Variants in SLC24A2 observed in about 807,000 individuals in gnomAD.
The protein encoded by SLC24A2 is solute carrier family 24 member 2.
A neutral mutation model predicts 62.0 loss-of-function variants in SLC24A2; 36 were observed. The ratio of observed to expected loss-of-function variants is 0.58; its 90% CI spans 0.44 to 0.77. SLC24A2 has a LOEUF of 0.77. SLC24A2 is among the 30% of genes least tolerant of loss of function. The pLI, the probability that SLC24A2 is intolerant of heterozygous loss-of-function variation, is 0.00. For missense variants in SLC24A2, 846 were observed against 817.9 expected, an observed-to-expected ratio of 1.03 and a Z score of -0.42; for synonymous variants, 358 against 294.0, an observed-to-expected ratio of 1.22 and a Z score of -2.23.
chr9:20,200,636 T>A, the SLC24A2 span, among the ~76,000 whole-genome samples: 3 of 152,194 alleles, frequency 2.0e-5, no homozygotes, highest in Non-Finnish European at 4.4e-5. Flanking sequence ...TGGGGACACA[T>A]TGCTAGCATC....
At chr9:20,279,466 G>A in the SLC24A2 span, among the ~76,000 whole-genome samples, 2 of 152,182 alleles carry the variant, frequency 1.3e-5, no homozygotes, top group African/African-American at 4.8e-5. Context: ...AGGAGGCGGA[G>A]GATGCAGAGA....
intron 2 of SLC24A2, among the ~76,000 whole-genome samples, chr9:19,628,497 T>C (rs1309154685): frequency 6.6e-6 from 1 of 152,200 alleles, no homozygotes; most frequent in Non-Finnish European, 1.5e-5. Flanking sequence ...CCCTGCTATC[T>C]CTTGCCTTCC....
the SLC24A2 span, among the ~76,000 whole-genome samples, chr9:20,076,670 A>G: frequency 6.6e-6 from 1 of 152,004 alleles, no homozygotes; most frequent in Non-Finnish European, 1.5e-5. Flanking sequence ...GGAAACGAAT[A>G]CAGAGAGCTA....
chr9:20,246,240 C>A, the SLC24A2 span, among the ~76,000 whole-genome samples: 2 of 152,162 alleles, frequency 1.3e-5, no homozygotes, highest in African/African-American at 4.8e-5. Flanking sequence ...GGAGTTATAG[C>A]ATCATCTAAA....
chr9:20,256,965 G>A, the SLC24A2 span, among the ~76,000 whole-genome samples: 1 of 151,790 alleles, frequency 6.6e-6, no homozygotes, highest in Non-Finnish European at 1.5e-5. Context: ...TAAAGTGAAT[G>A]AGCATGCAGA....
At chr9:19,651,904 G>C (rs1818812627) in intron 2 of SLC24A2, among the ~76,000 whole-genome samples, 1 of 152,136 alleles carries the variant, frequency 6.6e-6, no homozygotes. Context: ...TTCATTCCTA[G>C]TTTCATTCAT....
the SLC24A2 span, among the ~76,000 whole-genome samples, chr9:19,920,695 G>C: frequency 4.0e-4 from 61 of 152,284 alleles, no homozygotes; most frequent in African/African-American, 1.3e-3. Context: ...AACTCTCCAC[G>C]CTTCCCACTA....
At chr9:19,680,778 GAC>G (rs1819698132) in intron 2 of SLC24A2, among the ~76,000 whole-genome samples, 1 of 151,944 alleles carries the variant, frequency 6.6e-6, no homozygotes, top group Non-Finnish European at 1.5e-5. Context: ...CACAACTAGT[GAC>G]AGTTATTTCT....
the SLC24A2 span, among the ~76,000 whole-genome samples, chr9:20,048,922 AT>A: frequency 1.4e-5 from 2 of 147,950 alleles, no homozygotes; most frequent in African/African-American, 5.0e-5. Flanking sequence ...TTATTTATGT[AT>A]TTTTTATTTA....
At chr9:19,859,881 A>C in the SLC24A2 span, among the ~76,000 whole-genome samples, 1 of 152,214 alleles carries the variant, frequency 6.6e-6, no homozygotes, top group Non-Finnish European at 1.5e-5. Context: ...TGATGCCCAC[A>C]TAAGGAGGGT....
chr9:20,274,172 G>T, the SLC24A2 span, among the ~76,000 whole-genome samples: 1 of 152,142 alleles, frequency 6.6e-6, no homozygotes, highest in Non-Finnish European at 1.5e-5. Flanking sequence ...GTAGGAGGTA[G>T]ACAATGAACA....
the SLC24A2 span, among the ~76,000 whole-genome samples, chr9:20,083,396 G>A: frequency 1.9e-4 from 29 of 152,212 alleles, no homozygotes; most frequent in Admixed American, 2.0e-4. Flanking sequence ...GCCCAGGTCT[G>A]AACAGGGACC....
intron 2 of SLC24A2, among the ~76,000 whole-genome samples, chr9:19,657,896 TA>T (rs1277509070): frequency 1.3e-5 from 2 of 151,806 alleles, no homozygotes; most frequent in Non-Finnish European, 2.9e-5. Context: ...CCCAGCTAAT[TA>T]AAAAAAAATT....
At chr9:20,005,350 T>A in the SLC24A2 span, among the ~76,000 whole-genome samples, 1 of 152,134 alleles carries the variant, frequency 6.6e-6, no homozygotes, top group East Asian at 1.9e-4. Flanking sequence ...TCAAAATAAT[T>A]AAAAAAACAA....
chr9:19,756,593 GC>G (rs1460831822), intron 2 of SLC24A2, among the ~76,000 whole-genome samples: 1 of 152,174 alleles, frequency 6.6e-6, no homozygotes, highest in Non-Finnish European at 1.5e-5. Context: ...GCATGGCCCA[GC>G]TGGGTTCTCT....
the SLC24A2 span, among the ~76,000 whole-genome samples, chr9:20,032,081 T>C: frequency 2.0e-5 from 3 of 152,300 alleles, no homozygotes; most frequent in Admixed American, 1.3e-4. Context: ...CTCCTATGTA[T>C]TTCCTAAGGC....
At chr9:20,123,868 C>G in the SLC24A2 span, among the ~76,000 whole-genome samples, 2 of 152,024 alleles carry the variant, frequency 1.3e-5, no homozygotes, top group Non-Finnish European at 2.9e-5. Flanking sequence ...GAGCTTGAGG[C>G]TAGAACAAAA....
Position 19,734,371 on chromosome 9 carries a change from T to C in SLC24A2, c.930+51566A>G, listed in dbSNP as rs936960879. Among the ~76,000 whole-genome samples, 4 of 152,320 alleles carry C rather than the reference T, an allele frequency of 2.6e-5. 1 individual carries two copies. The highest frequency in any genetic ancestry group is 5.9e-5 in the Non-Finnish European group (4 of 68,036). ...TTCGGATTGACTTGGCAATGCGGGC[T>C]CTTTTTTGGTTCCATATGAACTTTA... On this transcript the variant is annotated intron_variant, in intron 2 of 10. Transcript: ENST00000341998.
chr9:19,984,207 C>A, the SLC24A2 span, among the ~76,000 whole-genome samples: 25 of 152,070 alleles, frequency 1.6e-4, no homozygotes, highest in Non-Finnish European at 3.7e-4. Flanking sequence ...ATCAAAATTC[C>A]AATGACTTTT....
Sources: allele counts gnomAD v4.1 joint callset (sites outside exome capture counted in the v4.1 genomes callset), GRCh38; gene constraint gnomAD v4.1.1; transcripts MANE v1.5; gene names NCBI Gene and HGNC (gene_info 2026-07-23, HGNC 2026-07-21).